Variants in KHDRBS2 observed in about 807,000 individuals in gnomAD.
KHDRBS2 encodes KH domain-containing, RNA-binding, signal transduction-associated protein 2.
A neutral mutation model predicts 44.3 loss-of-function variants in KHDRBS2; 26 were observed. The ratio of observed to expected loss-of-function variants is 0.59; its 90% CI spans 0.43 to 0.81. The LOEUF (loss-of-function observed/expected upper bound fraction) is 0.81. KHDRBS2 is among the 40% of genes least tolerant of loss of function. The probability of loss-of-function intolerance (pLI) is 0.00; values close to 1 mark genes in which losing one functional copy is unlikely to be tolerated. For synonymous variants in KHDRBS2, 194 were observed against 151.1 expected (o/e 1.28, Z -2.08); for missense variants, 476 against 433.1 (o/e 1.10, Z -0.88).
intron 2 of KHDRBS2, among the ~76,000 whole-genome samples, chr6:62,079,474 A>C (rs902608931): frequency 1.2e-4 from 18 of 152,060 alleles, no homozygotes; most frequent in African/African-American, 3.9e-4. Context: ...ACTGCAGAAA[A>C]TTCTAAGACA....
chr6:61,829,766 T>C (rs1791503510), intron 6 of KHDRBS2, among the ~76,000 whole-genome samples: 1 of 152,068 alleles, frequency 6.6e-6, no homozygotes, highest in South Asian at 2.1e-4. Context: ...GAGTCATACA[T>C]AGTATAAATC....
At chr6:61,791,971 CTGTG>C (rs1784700581) in intron 6 of KHDRBS2, among the ~76,000 whole-genome samples, 1 of 151,186 alleles carries the variant, frequency 6.6e-6, no homozygotes, top group Admixed American at 6.6e-5. Context: ...CCTTCATGGT[CTGTG>C]TGTTTCTTTC....
intron 6 of KHDRBS2, among the ~76,000 whole-genome samples, chr6:61,832,784 T>A (rs1362001583): frequency 1.3e-5 from 2 of 152,166 alleles, no homozygotes; most frequent in African/African-American, 2.4e-5. Flanking sequence ...ATCTGGAACC[T>A]AAGATACCTG....
At chr6:61,789,138 A>G (rs1784253790) in intron 6 of KHDRBS2, among the ~76,000 whole-genome samples, 1 of 151,458 alleles carries the variant, frequency 6.6e-6, no homozygotes, top group Non-Finnish European at 1.5e-5. Flanking sequence ...AATCTTCAAA[A>G]TATTAATATG....
intron 6 of KHDRBS2, among the ~76,000 whole-genome samples, chr6:61,782,777 G>A (rs1783208547): frequency 6.9e-6 from 1 of 145,448 alleles, no homozygotes; most frequent in Non-Finnish European, 1.5e-5. Context: ...ATATATGTCT[G>A]TATGTGTATA....
intron 2 of KHDRBS2, among the ~76,000 whole-genome samples, chr6:62,146,176 G>A (rs1382170609): frequency 2.0e-5 from 3 of 151,498 alleles, no homozygotes; most frequent in Non-Finnish European, 4.4e-5. Flanking sequence ...CTACTGAAAG[G>A]GCAAAACTGG....
At chr6:62,246,062 T>A (rs1273254898) in intron 1 of KHDRBS2, among the ~76,000 whole-genome samples, 1 of 147,416 alleles carries the variant, frequency 6.8e-6, no homozygotes, top group Non-Finnish European at 1.5e-5. Flanking sequence ...ATATAGTATT[T>A]TATGAGTTCT....
chr6:62,047,676 T>C (rs1254783401), intron 3 of KHDRBS2, among the ~76,000 whole-genome samples: 1 of 151,818 alleles, frequency 6.6e-6, no homozygotes, highest in Non-Finnish European at 1.5e-5. Context: ...TAGAATATAC[T>C]TTCTGGAAAG....
the KHDRBS2 span, chr6:61,630,411 A>C: frequency 6.6e-6 from 1 of 151,934 alleles, no homozygotes; most frequent in Admixed American, 6.6e-5. Flanking sequence ...AGCAAGGTGA[A>C]TGGCTGCATT....
chr6:61,848,752 A>T (rs2127281387), intron 6 of KHDRBS2, among the ~76,000 whole-genome samples: 1 of 149,940 alleles, frequency 6.7e-6, no homozygotes, highest in Non-Finnish European at 1.5e-5. Context: ...TATCTCTTTT[A>T]TGATATTTAC....
chr6:61,901,885 C>T (rs946556596), intron 4 of KHDRBS2, among the ~76,000 whole-genome samples: 2 of 152,204 alleles, frequency 1.3e-5, no homozygotes, highest in Admixed American at 6.5e-5. Context: ...GTCCCTGCTT[C>T]AGACAACAAG....
At chr6:62,066,061 C>A (rs1294745825) in intron 2 of KHDRBS2, among the ~76,000 whole-genome samples, 1 of 151,548 alleles carries the variant, frequency 6.6e-6, no homozygotes, top group Non-Finnish European at 1.5e-5. Flanking sequence ...ACGTCTTTGC[C>A]ATATTTATAC....
intron 6 of KHDRBS2, among the ~76,000 whole-genome samples, chr6:61,775,060 A>T (rs1781714131): frequency 6.6e-6 from 1 of 152,168 alleles, no homozygotes; most frequent in Non-Finnish European, 1.5e-5. Context: ...ATCTCAAGAG[A>T]TGCAGAAAAG....
At chr6:62,196,365 C>A (rs552234383) in intron 1 of KHDRBS2, among the ~76,000 whole-genome samples, 9 of 152,188 alleles carry the variant, frequency 5.9e-5, no homozygotes, top group Non-Finnish European at 1.3e-4. Flanking sequence ...TCCAATTAGG[C>A]AAAGAGCCTT....
chr6:62,161,578 G>GGA (rs1554445418), intron 2 of KHDRBS2, among the ~76,000 whole-genome samples: 1 of 131,296 alleles, frequency 7.6e-6, no homozygotes, highest in Non-Finnish European at 1.6e-5. Flanking sequence ...ATTTGCGGGG[G>GGA]GGGGGGGGGT....
At chr6:62,118,389 C>T (rs759723193) in intron 2 of KHDRBS2, among the ~76,000 whole-genome samples, 45 of 152,138 alleles carry the variant, frequency 3.0e-4, no homozygotes, top group Non-Finnish European at 4.3e-4. Context: ...GTCTTTGTGT[C>T]ATCATACAAA....
At chr6:62,209,442 T>A (rs1828629151) in intron 1 of KHDRBS2, among the ~76,000 whole-genome samples, 1 of 152,198 alleles carries the variant, frequency 6.6e-6, no homozygotes, top group Admixed American at 6.5e-5. Flanking sequence ...ATGTTCCATA[T>A]GTATATAGAT....
Position 61,799,814 on chromosome 6 carries a change from T to C in KHDRBS2, c.811-67050A>G, listed in dbSNP as rs556801326. On this transcript the variant is annotated intron_variant, in intron 6 of 8. Coordinates refer to ENST00000281156, the MANE Select transcript of KHDRBS2 (RefSeq NM_152688.4). ...TCCTTCTATATCCACATTCTTCCAC[T>C]GTCAAGACTATACTAATTCCACTGT... is the stretch of plus-strand genomic sequence containing the variant. Among the ~76,000 whole-genome samples the C allele has an allele frequency of 1.8e-4, 28 of 152,222 alleles. No homozygotes were observed. In the South Asian group the frequency reaches 5.4e-3, roughly 29 times the overall value.
chr6:62,089,268 CAA>C (rs34948262), intron 2 of KHDRBS2, among the ~76,000 whole-genome samples: 22 of 111,914 alleles, frequency 2.0e-4, no homozygotes, highest in Admixed American at 1.1e-3. Context: ...CACTGGGTTA[CAA>C]AAAAAAAAAA....
Sources: gnomAD v4.1 joint callset for allele counts (sites outside exome capture counted in the v4.1 genomes callset) on GRCh38, gnomAD v4.1.1 for gene constraint, MANE v1.5 for transcripts, NCBI Gene and HGNC (gene_info 2026-07-23, HGNC 2026-07-21) for gene names.